Variants in ACOT7 observed in about 807,000 individuals in gnomAD.
ACOT7 encodes the protein cytosolic acyl coenzyme A thioester hydrolase.
In ACOT7, 12 loss-of-function variants were observed where a neutral mutation model predicts 40.2. That is an observed-to-expected ratio of 0.30 (90% confidence interval 0.19 to 0.48). The LOEUF is 0.48. ACOT7 is among the 20% of genes least tolerant of loss of function. The pLI, the probability that ACOT7 is intolerant of heterozygous loss-of-function variation, is 0.99. For synonymous variants in ACOT7, 228 were observed against 219.5 expected (o/e 1.04, Z -0.34); for missense variants, 395 against 530.8 (o/e 0.74, Z 2.51).
At chr1:6,348,599 G>A (rs964556071) in intron 2 of ACOT7, among the ~76,000 whole-genome samples, 5 of 152,194 alleles carry the variant, frequency 3.3e-5, no homozygotes, top group Admixed American at 6.5e-5. Context: ...CCTACCAAGC[G>A]AGGACACACA....
Position 6,264,386 on chromosome 1 carries a change from T to C in ACOT7, c.*211A>G, listed in dbSNP as rs370767971. 6 of 570,488 alleles carry C rather than the reference T, an allele frequency of 1.1e-5. No homozygotes were observed. The East Asian group carries it at 1.2e-4, about 12-fold the overall frequency. The allele number at this position is 570,488 out of a possible 1,614,324, so 35.3% of individuals were successfully genotyped here. A position where few individuals can be genotyped will look rare whatever the true frequency, so the allele number is the denominator to read the frequency against. ...CGCCTCCCGGCGCTCGGGACAACAC[T>C]GTGTAGCATTGATACTGGAATGATA... On this transcript the variant is annotated 3_prime_UTR_variant, in exon 9 of 9. Coordinates refer to ENST00000361521, the MANE Select transcript of ACOT7 (RefSeq NM_007274.4).
chr1:6,291,662 C>T (rs903449246), intron 7 of ACOT7, among the ~76,000 whole-genome samples: 1 of 152,184 alleles, frequency 6.6e-6, no homozygotes, highest in African/African-American at 2.4e-5. Context: ...ATAATGTGTG[C>T]CCCCACCCGG....
chr1:6,385,690 T>C (rs922288826), intron 1 of ACOT7: 7 of 1,606,528 alleles, frequency 4.4e-6, no homozygotes, highest in Middle Eastern at 3.3e-4. Context: ...GGCAAACTGT[T>C]TACCCAGTGA....
chr1:6,317,748 T>C (rs1297054323), intron 6 of ACOT7, among the ~76,000 whole-genome samples: 1 of 144,316 alleles, frequency 6.9e-6, no homozygotes, highest in Non-Finnish European at 1.5e-5. Context: ...TTTTTTTTTC[T>C]TGAGACGGAG....
At chr1:6,315,397 C>T (rs1270556401) in intron 6 of ACOT7, among the ~76,000 whole-genome samples, 1 of 152,098 alleles carries the variant, frequency 6.6e-6, no homozygotes, top group Non-Finnish European at 1.5e-5. Flanking sequence ...AATCACAGTT[C>T]GTGTTTTCAA....
In ACOT7 at chr1:6,333,674, A is replaced by T; in HGVS notation, c.419-106T>A. On this transcript the variant is annotated intron_variant, in intron 3 of 8. Coordinates refer to ENST00000361521, the MANE Select transcript of ACOT7 (RefSeq NM_007274.4). ...CTCCAGCGCCCGGTCCCAGTACCTG[A>T]AACACACCACAGTGTGCACCACCTC... The T allele has an allele frequency of 2.8e-6, 3 of 1,080,192 alleles. No individual in the cohort carries two copies. The South Asian group carries it at 4.0e-5, about 15-fold the overall frequency. 66.9% of individuals were successfully genotyped at this position (1,080,192 alleles called of 1,614,324 possible).
In ACOT7 at chr1:6,310,727, TTTGTTG is replaced by T. The variant is rs371258170; in HGVS notation, c.712+7759_712+7764del. Reference sequence around the variant, plus strand: ...AGGGCTGGGGAATCTGTTTGTTTGTTTTGTTGTTGTTGTTGTTGCTTTTTGAGACAG... The same window carrying T: ...AGGGCTGGGGAATCTGTTTGTTTGTTTTGTTGTTGTTGCTTTTTGAGACAG... On this transcript the variant is annotated intron_variant, in intron 6 of 8. Transcript: ENST00000361521. Among the ~76,000 whole-genome samples, 5 of 152,148 alleles carry T rather than the reference TTTGTTG, an allele frequency of 3.3e-5. No individual in the cohort carries two copies. The East Asian group carries it at 7.7e-4, about 24-fold the overall frequency.
At chr1:6,392,688 C>G (rs1044121384) in intron 1 of ACOT7, among the ~76,000 whole-genome samples, 3 of 152,218 alleles carry the variant, frequency 2.0e-5, no homozygotes, top group African/African-American at 4.8e-5. Context: ...AACACCTGCC[C>G]TCCCCCAAAC....
In ACOT7 at chr1:6,352,284, C is replaced by T. The variant is rs967924818; in HGVS notation, c.144-2418G>A. Reference sequence around the variant, plus strand: ...TCCAAGCCAGGGCAGCCAGTGAGTCCCAGCCTCAGCTGGGATTCCTTCCCA... The same window carrying T: ...TCCAAGCCAGGGCAGCCAGTGAGTCTCAGCCTCAGCTGGGATTCCTTCCCA... On this transcript the variant is annotated intron_variant, in intron 1 of 8. Coordinates refer to ENST00000361521, the MANE Select transcript of ACOT7 (RefSeq NM_007274.4). The surrounding 1 kb of genome is among the most constrained non-coding windows in gnomAD (Gnocchi z 4.5). 2.0e-5 allele frequency: 3 copies of T among 152,762 alleles called. No homozygotes were observed. Among genetic ancestry groups the T allele is most frequent in the Non-Finnish European group, 2.9e-5 (2 of 68,452 alleles). The allele number at this position is 152,762 out of a possible 1,614,324, so 9.5% of individuals were successfully genotyped here. A position where few individuals can be genotyped will look rare whatever the true frequency, so the allele number is the denominator to read the frequency against.
chr1:6,369,137 C>T (rs1260231007), intron 1 of ACOT7, among the ~76,000 whole-genome samples: 1 of 151,914 alleles, frequency 6.6e-6, no homozygotes, highest in Non-Finnish European at 1.5e-5. Flanking sequence ...ACACATGCCA[C>T]CACATCTAGC....
chr1:6,276,498 G>A (rs1368721169), intron 8 of ACOT7, among the ~76,000 whole-genome samples: 1 of 151,960 alleles, frequency 6.6e-6, no homozygotes, highest in Non-Finnish European at 1.5e-5. Flanking sequence ...TCATGGAGAC[G>A]CAACTCCAAG....
chr1:6,356,045 G>C (rs1571338196), intron 1 of ACOT7, among the ~76,000 whole-genome samples: 1 of 152,200 alleles, frequency 6.6e-6, no homozygotes, highest in African/African-American at 2.4e-5. Context: ...CAGAAACTAT[G>C]AATGTCACCT....
intron 6 of ACOT7, among the ~76,000 whole-genome samples, chr1:6,317,754 C>T (rs1159413201): frequency 4.9e-5 from 7 of 142,618 alleles, no homozygotes; most frequent in South Asian, 2.2e-4. Flanking sequence ...TTTCTTGAGA[C>T]GGAGTCTCAC....
chr1:6,385,238 C>T (rs1487178812), intron 1 of ACOT7, among the ~76,000 whole-genome samples: 3 of 151,852 alleles, frequency 2.0e-5, no homozygotes, highest in Non-Finnish European at 4.4e-5. Context: ...ATTCCCACAG[C>T]CCAGGGTTGC....
chr1:6,323,404 T>C (rs757801913), intron 5 of ACOT7, among the ~76,000 whole-genome samples: 5 of 152,020 alleles, frequency 3.3e-5, no homozygotes, highest in Non-Finnish European at 7.4e-5. Context: ...AGGGAACAGA[T>C]GAGGTCTAGT....
Position 6,301,979 on chromosome 1 carries a change from G to A in ACOT7, c.713-6999C>T, listed in dbSNP as rs1375841341. Among the ~76,000 whole-genome samples the A allele has an allele frequency of 6.6e-6, 1 of 152,198 alleles. No individual in the cohort carries two copies. The highest frequency in any genetic ancestry group is 2.4e-5 in the African/African-American group (1 of 41,442). On this transcript the variant is annotated intron_variant, in intron 6 of 8. Coordinates refer to ENST00000361521, the MANE Select transcript of ACOT7 (RefSeq NM_007274.4). The surrounding 1 kb of genome is among the most constrained non-coding windows in gnomAD (Gnocchi z 4.1). ...TATGAAACAACAACTTTATACTAAC[G>A]ATGGAAAAGGCCAAGACTGGTGGAT...
rs904302746 is a variant in ACOT7 at position 6,289,642 on chromosome 1, G to A, written c.829+5222C>T. 1.3e-5 allele frequency among the ~76,000 whole-genome samples: 2 copies of A among 151,968 alleles called. No homozygotes were observed. Among genetic ancestry groups the A allele is most frequent in the African/African-American group, 4.8e-5 (2 of 41,348 alleles). On this transcript the variant is annotated intron_variant, in intron 7 of 8. Transcript: ENST00000361521. This position sits in a 1 kb window ranked among gnomAD's most constrained non-coding sequence, Gnocchi z 4.6. The stretch of plus-strand genomic sequence containing the variant: ...TCCTGCCTCAGCCTCACAAAGTGTT[G>A]GAATTACAAGCGTGAGCCACTGTGA...
Position 6,301,133 on chromosome 1 carries a change from C to T in ACOT7, c.713-6153G>A, listed in dbSNP as rs887028650. 6.6e-6 allele frequency among the ~76,000 whole-genome samples: 1 copy of T among 152,180 alleles called. No individual in the cohort carries two copies. The highest frequency in any genetic ancestry group is 1.5e-5 in the Non-Finnish European group (1 of 68,030). ...AGTGCTGGCCACCAGCTGGTGTCAT[C>T]AACTCAGGGTGGTTTAGCTGTGGGG... is the stretch of plus-strand genomic sequence containing the variant. On this transcript the variant is annotated intron_variant, in intron 6 of 8. Transcript: ENST00000361521. The surrounding 1 kb of genome is among the most constrained non-coding windows in gnomAD (Gnocchi z 4.1).
rs1490445942 is a variant in ACOT7 at position 6,337,995 on chromosome 1, C to CATCTCAAA, written c.418+1430_418+1437dup. On this transcript the variant is annotated intron_variant, in intron 3 of 8. Coordinates refer to ENST00000361521, the MANE Select transcript of ACOT7 (RefSeq NM_007274.4). ...CAGACTGGGCAACAGAGTGAGACACCATCTCAAAAAAAAAAAAAAAAAAAA... is the reference window on the plus strand; with the variant it reads ...CAGACTGGGCAACAGAGTGAGACACCATCTCAAAATCTCAAAAAAAAAAAAAAAAAAAA... Among the ~76,000 whole-genome samples the CATCTCAAA allele has an allele frequency of 2.8e-5, 3 of 107,458 alleles. No individual in the cohort carries two copies. The East Asian group carries it at 8.0e-4, about 29-fold the overall frequency. The allele number at this position is 107,458 out of a possible 152,430, so 70.5% of individuals were successfully genotyped here.
Sources: allele counts gnomAD v4.1 joint callset (sites outside exome capture counted in the v4.1 genomes callset), GRCh38; gene constraint gnomAD v4.1.1; non-coding constraint Gnocchi (gnomAD v3.1); transcripts MANE v1.5; gene names NCBI Gene and HGNC (gene_info 2026-07-23, HGNC 2026-07-21).